The following ZNF282 variants were observed in gnomAD, a reference collection of about 807,000 sequenced individuals.
The protein encoded by ZNF282 is HTLV-I U5 repressive element-binding protein 1.
A neutral mutation model predicts 61.9 loss-of-function variants in ZNF282; 30 were observed. That is an observed-to-expected ratio of 0.48 (90% CI 0.36 to 0.66). The LOEUF is 0.66. Among genes scored for constraint, ZNF282 ranks in the 30% least tolerant of loss-of-function variants. The probability of loss-of-function intolerance (pLI) is 0.00; values close to 1 mark genes in which losing one functional copy is unlikely to be tolerated. For synonymous variants in ZNF282, 396 were observed against 405.0 expected (o/e 0.98, Z 0.27); for missense variants, 788 against 941.4 (o/e 0.84, Z 2.13).
Position 149,195,557 on chromosome 7 carries a change from T to C in ZNF282, c.-33T>C, listed in dbSNP as rs1211479068. On this transcript the variant is annotated 5_prime_UTR_variant, in exon 1 of 8. Transcript: ENST00000610704. ...GCCTGGAAAACGTTCTTCTTCTCCC[T>C]GGCCGACCCGAGCGGGGAACAGCAC... 1.9e-6 allele frequency: 3 copies of C among 1,604,284 alleles called. No individual in the cohort carries two copies. Among genetic ancestry groups the C allele is most frequent in the African/African-American group, 2.7e-5 (2 of 73,898 alleles).
At chr7:149,205,714 A>C (rs1795982648) in intron 2 of ZNF282, among the ~76,000 whole-genome samples, 1 of 152,202 alleles carries the variant, frequency 6.6e-6, no homozygotes, top group Non-Finnish European at 1.5e-5. Flanking sequence ...CACCATGCTG[A>C]GTAGTGGTAG....
At chr7:149,196,535 A>G (rs1427671177) in intron 1 of ZNF282, among the ~76,000 whole-genome samples, 3 of 152,096 alleles carry the variant, frequency 2.0e-5, no homozygotes, top group Non-Finnish European at 4.4e-5. Context: ...TGCCCAGGGA[A>G]GACTCTCTGG....
At chr7:149,199,800 C>T (rs1795880951) in intron 2 of ZNF282, among the ~76,000 whole-genome samples, 1 of 152,200 alleles carries the variant, frequency 6.6e-6, no homozygotes, top group African/African-American at 2.4e-5. Context: ...CTGCCCACTT[C>T]CCCACTCCCA....
At chr7:149,197,145 C>T (rs1199192311) in intron 1 of ZNF282, among the ~76,000 whole-genome samples, 1 of 152,216 alleles carries the variant, frequency 6.6e-6, no homozygotes, top group African/African-American at 2.4e-5. Flanking sequence ...TCTCAGCTCT[C>T]AATTGCACCA....
At chr7:149,213,674 A>G (rs755396813) in intron 6 of ZNF282, 27 bp from the exon 7 acceptor site, 2 of 1,576,870 alleles carry the variant, frequency 1.3e-6, no homozygotes, top group Admixed American at 1.7e-5. Context: ...AACAAAATCT[A>G]AGACTGCCTT....
At position 149,213,883 on chromosome 7, in the gene ZNF282, G is replaced by A; in HGVS notation, c.1180+69G>A. Reference sequence around the variant, plus strand: ...GCTGTACAGCTGAGGCGTGGACGAAGGCTGGTCCTCTTCTCAGCTCACCCC... The same window carrying A: ...GCTGTACAGCTGAGGCGTGGACGAAAGCTGGTCCTCTTCTCAGCTCACCCC... On this transcript the variant is annotated intron_variant, in intron 7 of 7. Transcript: ENST00000610704. The A allele has an allele frequency of 2.6e-6, 3 of 1,147,750 alleles. No individual in the cohort carries two copies. In the South Asian group the frequency reaches 4.0e-5, roughly 15 times the overall value. The allele number at this position is 1,147,750 out of a possible 1,614,324, so 71.1% of individuals were successfully genotyped here. A position where few individuals can be genotyped will look rare whatever the true frequency, so the allele number is the denominator to read the frequency against.
rs553260120 is a variant in ZNF282 at position 149,212,802 on chromosome 7, G to A, written c.1066+331G>A. On this transcript the variant is annotated intron_variant, in intron 6 of 7. Transcript: ENST00000610704. ...TCACCATGTTGGTCAGGCTGCTTCT[G>A]AACTCCTGGCCTCAAATGATCTGCC... is the stretch of plus-strand genomic sequence containing the variant. 2.6e-5 allele frequency among the ~76,000 whole-genome samples: 4 copies of A among 152,252 alleles called. No individual in the cohort carries two copies. In the East Asian group the frequency reaches 5.8e-4, roughly 22 times the overall value.
intron 4 of ZNF282, among the ~76,000 whole-genome samples, chr7:149,208,885 G>C (rs896552542): frequency 2.6e-5 from 4 of 151,810 alleles, no homozygotes; most frequent in Non-Finnish European, 5.9e-5. Context: ...GCCGGGTGCA[G>C]TGGCGTGCAC....
intron 4 of ZNF282, among the ~76,000 whole-genome samples, chr7:149,207,891 C>T (rs1294809404): frequency 6.6e-6 from 1 of 152,210 alleles, no homozygotes; most frequent in East Asian, 1.9e-4. Flanking sequence ...CCTCATTCGT[C>T]GGCCGACACA....
chr7:149,218,653 G>A (rs1796194058), intron 7 of ZNF282, among the ~76,000 whole-genome samples: 2 of 151,758 alleles, frequency 1.3e-5, no homozygotes, highest in African/African-American at 4.9e-5. Context: ...CTCACAGGTT[G>A]AGGGCTCATG....
intron 4 of ZNF282, among the ~76,000 whole-genome samples, chr7:149,209,389 A>G (rs1796046980): frequency 1.3e-5 from 2 of 151,852 alleles, no homozygotes; most frequent in Non-Finnish European, 2.9e-5. Context: ...GCCCCTGGGA[A>G]CCACTAATCG....
intron 7 of ZNF282, among the ~76,000 whole-genome samples, chr7:149,219,535 T>C (rs1202397): frequency 0.26 from 39,833 of 151,996 alleles, 5,486 homozygotes; most frequent in Middle Eastern, 0.39. Context: ...TGGATATTGT[T>C]GGTGATCTCG....
chr7:149,219,026 C>T (rs1028825595), intron 7 of ZNF282, among the ~76,000 whole-genome samples: 8 of 152,090 alleles, frequency 5.3e-5, no homozygotes, highest in African/African-American at 1.9e-4. Flanking sequence ...TTTGGCGTTC[C>T]GAGTTTCTGT....
At chr7:149,199,066 G>T (rs771468047) in intron 2 of ZNF282, among the ~76,000 whole-genome samples, 4 of 152,136 alleles carry the variant, frequency 2.6e-5, no homozygotes, top group African/African-American at 4.8e-5. Context: ...TTTCCCACTT[G>T]ACACCTACCA....
rs562608071 is a variant in ZNF282 at position 149,207,771 on chromosome 7, A to G, written c.832+301A>G. On this transcript the variant is annotated intron_variant, in intron 4 of 7. Transcript: ENST00000610704. ...GGGCTTAGGCTTACGCTACCGCCCCAGGCCCGGGCTCAGAGAGGCTGACAG... is the reference window on the plus strand; with the variant it reads ...GGGCTTAGGCTTACGCTACCGCCCCGGGCCCGGGCTCAGAGAGGCTGACAG... 7.2e-5 allele frequency among the ~76,000 whole-genome samples: 11 copies of G among 152,352 alleles called. No homozygotes were observed. In the East Asian group the frequency reaches 1.9e-3, roughly 27 times the overall value.
chr7:149,200,638 C>T (rs2129523068), intron 2 of ZNF282, among the ~76,000 whole-genome samples: 1 of 152,208 alleles, frequency 6.6e-6, no homozygotes, highest in South Asian at 2.1e-4. Flanking sequence ...CTCTGTTGCC[C>T]AGACTGGAGT....
Position 149,223,878 on chromosome 7 carries a change from C to A in ZNF282, c.1247C>A (p.Pro416Gln). 6.9e-7 allele frequency: 1 copy of A among 1,441,668 alleles called. No homozygotes were observed. The highest frequency in any genetic ancestry group is 9.1e-7 in the Non-Finnish European group (1 of 1,102,958). The allele number at this position is 1,441,668 out of a possible 1,614,324, so 89.3% of individuals were successfully genotyped here. A position where few individuals can be genotyped will look rare whatever the true frequency, so the allele number is the denominator to read the frequency against. Residue 416 changes from proline to glutamine, a missense_variant, in exon 8 of 8, where the codon CCA (proline) becomes CAA (glutamine). Physicochemically the swap from Pro to Gln is moderately conservative, Grantham distance 76. This residue lies in a region of ZNF282 where 559 missense variants were observed against 642.0 expected (regional missense o/e 0.87). Coordinates refer to ENST00000610704, the MANE Select transcript of ZNF282 (RefSeq NM_003575.4). ...APPQPQPQPQ[P>Q]PQPQLQSQPQ... ...CCACAGCCCCAGCCCCAGCCCCAGC[C>A]ACCGCAGCCGCAGCTGCAGTCGCAG...
chr7:149,197,844 C>T lies in ZNF282; in HGVS notation c.166-489C>T, dbSNP rs1428330840. On this transcript the variant is annotated intron_variant, in intron 1 of 7. Coordinates refer to ENST00000610704, the MANE Select transcript of ZNF282 (RefSeq NM_003575.4). ...GTGCAGGGAGGCGCTGCGGAGTGAC[C>T]AGCTGCCTCCCTGTGCTTCAGTTTC... Among the ~76,000 whole-genome samples, 3 of 152,234 alleles carry T rather than the reference C, an allele frequency of 2.0e-5. No homozygotes were observed. In the East Asian group the frequency reaches 5.8e-4, roughly 29 times the overall value.
Position 149,207,040 on chromosome 7 carries a change from G to A in ZNF282, c.712+218G>A, listed in dbSNP as rs577076907. Among the ~76,000 whole-genome samples the A allele has an allele frequency of 1.9e-4, 29 of 152,200 alleles. 1 individual carries two copies. The highest frequency in any genetic ancestry group is 1.0e-3 in the South Asian group (5 of 4,824). On this transcript the variant is annotated intron_variant, in intron 3 of 7. Transcript: ENST00000610704. ...AGGGCCCATTACCATAGAACTCAAC[G>A]TTACACCACTACCACGTTGGATTAC...
Sources: gnomAD v4.1 joint callset for allele counts (sites outside exome capture counted in the v4.1 genomes callset) on GRCh38, gnomAD v4.1.1 for gene constraint, gnomAD v4.1.1 regional missense constraint, MANE v1.5 for transcripts, NCBI Gene and HGNC (gene_info 2026-07-23, HGNC 2026-07-21) for gene names.